AGBL1: variants seen among roughly 807,000 people sequenced by gnomAD.
AGBL1 encodes AGBL carboxypeptidase 1.
AGBL1 carries 130 observed loss-of-function variants against 118.9 expected under a neutral mutation model. The ratio of observed to expected loss-of-function variants is 1.09; its 90% CI spans 0.95 to 1.26. The LOEUF (loss-of-function observed/expected upper bound fraction) is 1.26, where lower values mean the gene tolerates loss of function less well. Ranked by LOEUF, AGBL1 falls within the 50% of genes most tolerant of loss-of-function variation. The pLI is 0.00. For synonymous variants in AGBL1, 555 were observed against 478.9 expected (o/e 1.16, Z -2.08); for missense variants, 1,584 against 1,298.1 (o/e 1.22, Z -3.38).
intron 22 of AGBL1, among the ~76,000 whole-genome samples, chr15:86,703,235 C>T (rs551869317): frequency 4.6e-4 from 70 of 152,202 alleles, no homozygotes; most frequent in Admixed American, 7.2e-4. Flanking sequence ...AATGCCTAGA[C>T]GAATAGATAT....
intron 22 of AGBL1, among the ~76,000 whole-genome samples, chr15:86,851,856 T>C (rs868463160): frequency 2.0e-5 from 3 of 152,268 alleles, no homozygotes; most frequent in Middle Eastern, 6.8e-3. Context: ...GAATTTCATA[T>C]GGAAAGAGGG....
intron 18 of AGBL1, among the ~76,000 whole-genome samples, chr15:86,405,173 A>C (rs1485610791): frequency 6.6e-6 from 1 of 152,186 alleles, no homozygotes; most frequent in Non-Finnish European, 1.5e-5. Context: ...AGTGTTAATC[A>C]GTCTTCTAGT....
chr15:86,262,271 T>G (rs1414648755), intron 9 of AGBL1, among the ~76,000 whole-genome samples: 2 of 152,070 alleles, frequency 1.3e-5, no homozygotes, highest in Admixed American at 1.3e-4. Flanking sequence ...TTACTGTTTT[T>G]CTTCTCTCGC....
chr15:86,548,064 C>T (rs188737635), intron 20 of AGBL1, among the ~76,000 whole-genome samples: 2 of 152,196 alleles, frequency 1.3e-5, no homozygotes, highest in East Asian at 3.9e-4. Flanking sequence ...TTTGTGTATA[C>T]AAATGGATCT....
intron 17 of AGBL1, among the ~76,000 whole-genome samples, chr15:86,306,042 T>C (rs2079835083): frequency 6.6e-6 from 1 of 152,132 alleles, no homozygotes; most frequent in Admixed American, 6.6e-5. Flanking sequence ...GGTGGGTACA[T>C]AGTAGGTGTA....
chr15:86,349,266 A>C (rs888088038), intron 17 of AGBL1, among the ~76,000 whole-genome samples: 4 of 152,216 alleles, frequency 2.6e-5, no homozygotes, highest in African/African-American at 9.7e-5. Context: ...TGTGGAAACA[A>C]ATACCTAGGA....
At chr15:86,121,978 A>G (rs1007464379) in intron 1 of AGBL1, among the ~76,000 whole-genome samples, 4 of 152,246 alleles carry the variant, frequency 2.6e-5, no homozygotes, top group African/African-American at 9.6e-5. Context: ...AAGCCAGAGA[A>G]CATTTCAACT....
At chr15:86,190,614 T>C (rs2077704122) in intron 5 of AGBL1, among the ~76,000 whole-genome samples, 2 of 152,134 alleles carry the variant, frequency 1.3e-5, no homozygotes, top group South Asian at 2.1e-4. Flanking sequence ...CCTCTTCCTA[T>C]AGAATGCATA....
chr15:86,825,887 G>GGATAGATA lies in AGBL1; in HGVS notation c.3159-81157_3159-81150dup, dbSNP rs61494287. On this transcript the variant is annotated intron_variant, in intron 22 of 22. Coordinates refer to ENST00000614907, the MANE Select transcript of AGBL1 (RefSeq NM_001386094.1). ...GAAATGTGACAGATGATAGATGGAT[G>GGATAGATA]GATAGATAGATAGATAGATAGATAG... is the stretch of plus-strand genomic sequence containing the variant. Among the ~76,000 whole-genome samples, 884 of 144,222 alleles carry GGATAGATA rather than the reference G, an allele frequency of 6.1e-3. 3 individuals carry two copies. Among genetic ancestry groups the GGATAGATA allele is most frequent in the African/African-American group, 0.016 (612 of 38,600 alleles). The allele number at this position is 144,222 out of a possible 152,430, so 94.6% of individuals were successfully genotyped here.
At chr15:86,206,020 C>T (rs2077986363) in intron 5 of AGBL1, among the ~76,000 whole-genome samples, 1 of 152,046 alleles carries the variant, frequency 6.6e-6, no homozygotes, top group Admixed American at 6.6e-5. Flanking sequence ...TGTTCCCTGC[C>T]CTGTGTCCAA....
At chr15:86,184,983 G>C (rs983265243) in intron 5 of AGBL1, among the ~76,000 whole-genome samples, 2 of 152,110 alleles carry the variant, frequency 1.3e-5, no homozygotes, top group Non-Finnish European at 2.9e-5. Context: ...GCAACCTACA[G>C]AATGGGAGAA....
intron 16 of AGBL1, among the ~76,000 whole-genome samples, chr15:86,293,901 GA>G (rs1053170025): frequency 5.5e-4 from 83 of 152,114 alleles, no homozygotes; most frequent in African/African-American, 2.0e-3. Flanking sequence ...CTTGATTGTG[GA>G]AAAAACTTTC....
intron 18 of AGBL1, among the ~76,000 whole-genome samples, chr15:86,444,569 G>A (rs1567263842): frequency 6.6e-6 from 1 of 152,208 alleles, no homozygotes; most frequent in Non-Finnish European, 1.5e-5. Flanking sequence ...CTGAGTGGGA[G>A]TTCCAGGTAC....
chr15:86,509,949 T>TTTC lies in AGBL1; in HGVS notation c.2556-12859_2556-12858insCTT, dbSNP rs905647539. ...TGTCAAAACAAGGCTGAAGCTCATT[T>TTTC]TTTTTTTTTTTTCCTGATTTCTTCT... On this transcript the variant is annotated intron_variant, in intron 18 of 22. Transcript: ENST00000614907. Among the ~76,000 whole-genome samples, 6 of 135,590 alleles carry TTTC rather than the reference T, an allele frequency of 4.4e-5. No individual in the cohort carries two copies. In the South Asian group the frequency reaches 1.3e-3, roughly 28 times the overall value. The allele number at this position is 135,590 out of a possible 152,430, so 89.0% of individuals were successfully genotyped here.
intron 20 of AGBL1, among the ~76,000 whole-genome samples, chr15:86,553,566 A>G (rs1484798357): frequency 6.6e-6 from 1 of 152,212 alleles, no homozygotes; most frequent in Non-Finnish European, 1.5e-5. Flanking sequence ...GAAGTGAACT[A>G]TATGTGCTTC....
chr15:86,543,705 G>T (rs1187015177), intron 19 of AGBL1, among the ~76,000 whole-genome samples: 2 of 152,182 alleles, frequency 1.3e-5, no homozygotes, highest in African/African-American at 4.8e-5. Flanking sequence ...ATGACAGGGA[G>T]CAGAACCAGG....
intron 19 of AGBL1, among the ~76,000 whole-genome samples, chr15:86,545,648 T>C (rs2083569639): frequency 6.6e-6 from 1 of 152,176 alleles, no homozygotes; most frequent in Non-Finnish European, 1.5e-5. Flanking sequence ...ATAGATATCT[T>C]AAAATGCCCT....
intron 1 of AGBL1, among the ~76,000 whole-genome samples, chr15:86,109,574 A>C (rs1362961600): frequency 6.6e-6 from 1 of 152,184 alleles, no homozygotes; most frequent in Non-Finnish European, 1.5e-5. Context: ...GTTTTTTACT[A>C]CTGACAATTA....
At chr15:86,420,928 T>C (rs1377536535) in intron 18 of AGBL1, among the ~76,000 whole-genome samples, 1 of 151,716 alleles carries the variant, frequency 6.6e-6, no homozygotes. Context: ...TGAAAAGGAG[T>C]GAACAAATCC....
Sources: allele counts gnomAD v4.1 joint callset (sites outside exome capture counted in the v4.1 genomes callset), GRCh38; gene constraint gnomAD v4.1.1; transcripts MANE v1.5; gene names NCBI Gene and HGNC (gene_info 2026-07-23, HGNC 2026-07-21).